POLR1A: variants seen among roughly 807,000 people sequenced by gnomAD.
POLR1A encodes RNA polymerase I subunit A.
POLR1A carries 84 observed loss-of-function variants against 205.3 expected under a neutral mutation model. That is an observed-to-expected ratio of 0.41 (90% CI 0.34 to 0.49). The LOEUF (loss-of-function observed/expected upper bound fraction) is 0.49. Among genes scored for constraint, POLR1A ranks in the 20% least tolerant of loss-of-function variants. POLR1A has a pLI of 0.22. For synonymous variants in POLR1A, 799 were observed against 863.7 expected (o/e 0.93, Z 1.31); for missense variants, 1,645 against 2,204.5 (o/e 0.75, Z 5.08).
At chr2:86,090,077 G>A (rs1234320511) in intron 3 of POLR1A, 148 bp from the exon 4 acceptor site, 2 of 595,460 alleles carry the variant, frequency 3.4e-6, no homozygotes, top group Non-Finnish European at 6.0e-6. Context: ...TTTCAAAAGA[G>A]TGAGACAGCA....
At chr2:86,100,982 TG>T (rs1287020506) in intron 1 of POLR1A, among the ~76,000 whole-genome samples, 1 of 152,122 alleles carries the variant, frequency 6.6e-6, no homozygotes, top group African/African-American at 2.4e-5. Flanking sequence ...AGGCAGGATA[TG>T]GAATAGACTT....
chr2:86,030,428 C>T, intron 30 of POLR1A, 32 bp from the exon 31 acceptor site: 1 of 1,461,484 alleles, frequency 6.8e-7, no homozygotes, highest in South Asian at 1.1e-5. Context: ...GGTAGGGTGA[C>T]AGCTACTCCA....
chr2:86,053,880 C>T (rs1672850526), intron 15 of POLR1A, among the ~76,000 whole-genome samples: 2 of 152,202 alleles, frequency 1.3e-5, no homozygotes. Flanking sequence ...CATTGCCAAG[C>T]TTTGCATAAT....
intron 14 of POLR1A, among the ~76,000 whole-genome samples, chr2:86,063,435 G>C (rs1673035238): frequency 6.7e-6 from 1 of 150,334 alleles, no homozygotes; most frequent in African/African-American, 2.4e-5. Flanking sequence ...CACATTTAAG[G>C]AATAAATAAT....
At chr2:86,053,754 C>T (rs892766255) in intron 15 of POLR1A, among the ~76,000 whole-genome samples, 2 of 152,116 alleles carry the variant, frequency 1.3e-5, no homozygotes, top group African/African-American at 2.4e-5. Flanking sequence ...CTCTCTCTGC[C>T]CTGGGCCTGT....
chr2:86,069,384 T>C (rs761723099), intron 13 of POLR1A, among the ~76,000 whole-genome samples: 64 of 152,140 alleles, frequency 4.2e-4, no homozygotes, highest in Non-Finnish European at 6.8e-4. Context: ...GTCCCTCCCA[T>C]GAGCACATGC....
In POLR1A at chr2:86,105,815, G is replaced by C; in HGVS notation, c.-39C>G. On this transcript the variant is annotated 5_prime_UTR_variant, in exon 1 of 34. Transcript: ENST00000263857. ...TTTGAATTCCGACACCCCAAGAGAC[G>C]TTCCACTCACCACCTGACTATTCTT... 1 of 1,513,734 alleles carries C rather than the reference G, an allele frequency of 6.6e-7. No individual in the cohort carries two copies. Among genetic ancestry groups the C allele is most frequent in the Non-Finnish European group, 9.2e-7 (1 of 1,088,784 alleles). The allele number at this position is 1,513,734 out of a possible 1,614,324, so 93.8% of individuals were successfully genotyped here.
chr2:86,084,039 G>C (rs1434741317), intron 6 of POLR1A, among the ~76,000 whole-genome samples: 1 of 152,204 alleles, frequency 6.6e-6, no homozygotes, highest in Non-Finnish European at 1.5e-5. Flanking sequence ...GGGAGGCCAA[G>C]GCAGGCAGAT....
intron 12 of POLR1A, among the ~76,000 whole-genome samples, chr2:86,071,458 T>C (rs1337151046): frequency 6.6e-6 from 1 of 152,192 alleles, no homozygotes; most frequent in Non-Finnish European, 1.5e-5. Context: ...ACTCAGCTAC[T>C]TTCCTACATC....
intron 3 of POLR1A, among the ~76,000 whole-genome samples, chr2:86,096,488 G>T (rs1258671855): frequency 2.0e-5 from 3 of 151,786 alleles, no homozygotes; most frequent in African/African-American, 7.3e-5. Flanking sequence ...TGAGTAAAAA[G>T]AACAAAGCTG....
intron 3 of POLR1A, among the ~76,000 whole-genome samples, chr2:86,096,526 T>C (rs1448389940): frequency 6.6e-6 from 1 of 151,976 alleles, no homozygotes; most frequent in Non-Finnish European, 1.5e-5. Flanking sequence ...GAATTCAAAA[T>C]ATACTACAAA....
chr2:86,029,204 G>A (rs1175346753), intron 31 of POLR1A, among the ~76,000 whole-genome samples: 1 of 152,224 alleles, frequency 6.6e-6, no homozygotes, highest in Non-Finnish European at 1.5e-5. Flanking sequence ...CTCTTGGCAG[G>A]TGCCAATCCT....
At chr2:86,079,647 C>T (rs1323389285) in intron 9 of POLR1A, among the ~76,000 whole-genome samples, 2 of 152,124 alleles carry the variant, frequency 1.3e-5, no homozygotes, top group African/African-American at 2.4e-5. Flanking sequence ...TCTGCAGCCT[C>T]GACTTCCCTG....
At position 86,049,192 on chromosome 2, in the gene POLR1A, T is replaced by C. The variant is rs34302587; in HGVS notation, c.2443A>G (p.Ile815Val). The change falls in exon 17 of 34, where the codon ATC becomes GTC. Residue 815 changes from isoleucine (I) to valine (V), a missense_variant. Physicochemically the swap from Ile to Val is conservative, Grantham distance 29. Coordinates refer to ENST00000263857, the MANE Select transcript of POLR1A (RefSeq NM_015425.6). ...CCGCAGTGGGTGGATTCTTCAATGA[T>C]ACGTTGCCTCTTGACATCTGCCTTT... ...KPKADVKRQR[I>V]IEESTHCGPQ... 3,479 of 1,614,082 alleles carry C rather than the reference T, an allele frequency of 2.2e-3. 73 individuals carry two copies. The African/African-American group carries it at 0.04, about 19-fold the overall frequency.
intron 14 of POLR1A, among the ~76,000 whole-genome samples, chr2:86,058,739 T>A (rs1284530962): frequency 6.6e-6 from 1 of 151,960 alleles, no homozygotes; most frequent in Admixed American, 6.6e-5. Context: ...TTAAAAAAAG[T>A]CTTAAAAATA....
At chr2:86,078,047 G>C in intron 10 of POLR1A, 66 bp from the exon 11 acceptor site, 2 of 1,612,358 alleles carry the variant, frequency 1.2e-6, no homozygotes, top group Non-Finnish European at 1.7e-6. Flanking sequence ...TTAGTTTCTT[G>C]TTTCAATACA....
Position 86,070,862 on chromosome 2 carries a change from T to C in POLR1A, c.1612-590A>G, listed in dbSNP as rs1036057930. 1.3e-5 allele frequency among the ~76,000 whole-genome samples: 2 copies of C among 152,132 alleles called. No individual in the cohort carries two copies. The highest frequency in any genetic ancestry group is 4.8e-5 in the African/African-American group (2 of 41,430). The stretch of plus-strand genomic sequence containing the variant: ...ACTTCAAAAATTAAGAGCTGTAAAT[T>C]GTCATAGTCTTTTGGGAACAGAGTT... On this transcript the variant is annotated intron_variant, in intron 12 of 33. Coordinates refer to ENST00000263857, the MANE Select transcript of POLR1A (RefSeq NM_015425.6). The surrounding 1 kb of genome is among the most constrained non-coding windows in gnomAD (Gnocchi z 4.4).
intron 3 of POLR1A, among the ~76,000 whole-genome samples, 169 bp downstream of exon 3, chr2:86,098,442 T>G (rs1673748139): frequency 6.6e-6 from 1 of 152,224 alleles, no homozygotes; most frequent in Non-Finnish European, 1.5e-5. Context: ...CTTTTATTAT[T>G]CTTATAGCTT....
intron 24 of POLR1A, among the ~76,000 whole-genome samples, chr2:86,041,602 C>A (rs1672608788): frequency 6.6e-6 from 1 of 152,170 alleles, no homozygotes; most frequent in Admixed American, 6.5e-5. Flanking sequence ...CAGCCCCACC[C>A]ACCACACCAA....
Sources: gnomAD v4.1 joint callset for allele counts (sites outside exome capture counted in the v4.1 genomes callset) on GRCh38, gnomAD v4.1.1 for gene constraint, Gnocchi (gnomAD v3.1) non-coding constraint, MANE v1.5 for transcripts, NCBI Gene and HGNC (gene_info 2026-07-23, HGNC 2026-07-21) for gene names.